MIS18A: variants seen among roughly 807,000 people sequenced by gnomAD.
The protein encoded by MIS18A is protein Mis18-alpha.
Under a neutral mutation model 25.0 loss-of-function variants are expected in MIS18A, and 14 were observed. That is an observed-to-expected ratio of 0.56 (90% CI 0.37 to 0.88). MIS18A has a LOEUF of 0.88. MIS18A is among the 40% of genes least tolerant of loss of function. The pLI is 0.00. For synonymous variants in MIS18A, 134 were observed against 118.6 expected (o/e 1.13, Z -0.84); for missense variants, 292 against 290.8 (o/e 1.00, Z -0.03).
At chr21:32,240,295 C>T in the MIS18A span, among the ~76,000 whole-genome samples, 89 of 152,344 alleles carry the variant, frequency 5.8e-4, no homozygotes, top group South Asian at 0.018. Flanking sequence ...AAGGTGAAGC[C>T]CTCACGAATG....
chr21:32,254,083 T>A, the MIS18A span, among the ~76,000 whole-genome samples: 1 of 151,596 alleles, frequency 6.6e-6, no homozygotes, highest in Admixed American at 6.6e-5. Context: ...AAAAATACAA[T>A]AGCCGAGTGT....
chr21:32,198,901 C>CT, the MIS18A span, among the ~76,000 whole-genome samples: 1 of 148,010 alleles, frequency 6.8e-6, no homozygotes, highest in Non-Finnish European at 1.5e-5. Context: ...GAGTGAGGCT[C>CT]TGTCTAAAAA....
At chr21:32,176,919 C>T in the MIS18A span, among the ~76,000 whole-genome samples, 1 of 151,842 alleles carries the variant, frequency 6.6e-6, no homozygotes, top group Non-Finnish European at 1.5e-5. Flanking sequence ...ATATGGGTAC[C>T]AAAGCGTGAT....
chr21:32,238,828 G>C, the MIS18A span, among the ~76,000 whole-genome samples: 1 of 152,128 alleles, frequency 6.6e-6, no homozygotes, highest in African/African-American at 2.4e-5. Context: ...GGGTGATTTT[G>C]GGGAACCATG....
the MIS18A span, among the ~76,000 whole-genome samples, chr21:32,181,552 T>C: frequency 4.2e-3 from 639 of 152,208 alleles, 1 homozygote; most frequent in Admixed American, 6.5e-3. Context: ...GCATGGGTCT[T>C]GGAGATAAGG....
the MIS18A span, among the ~76,000 whole-genome samples, chr21:32,201,433 G>C: frequency 6.6e-6 from 1 of 152,160 alleles, no homozygotes; most frequent in Non-Finnish European, 1.5e-5. Context: ...CTTTTCTCTT[G>C]AGATTTTAAA....
At chr21:32,242,482 G>A in the MIS18A span, among the ~76,000 whole-genome samples, 1 of 151,744 alleles carries the variant, frequency 6.6e-6, no homozygotes, top group African/African-American at 2.4e-5. Flanking sequence ...TTCTTCATCT[G>A]AATTAGACTG....
At chr21:32,202,437 G>C in the MIS18A span, among the ~76,000 whole-genome samples, 3 of 152,144 alleles carry the variant, frequency 2.0e-5, no homozygotes, top group Non-Finnish European at 4.4e-5. Context: ...AAAACAATTA[G>C]AAAATAGCAA....
At chr21:32,168,570 A>G in the MIS18A span, among the ~76,000 whole-genome samples, 2 of 152,208 alleles carry the variant, frequency 1.3e-5, no homozygotes, top group African/African-American at 4.8e-5. Flanking sequence ...AGTTTCTTAT[A>G]TTGTAAAATA....
chr21:32,245,142 G>T, the MIS18A span, among the ~76,000 whole-genome samples: 1 of 152,192 alleles, frequency 6.6e-6, no homozygotes, highest in African/African-American at 2.4e-5. Context: ...TCACGCCATT[G>T]ATTTCATGAT....
the MIS18A span, among the ~76,000 whole-genome samples, chr21:32,155,871 T>C: frequency 1.1e-3 from 165 of 152,312 alleles, no homozygotes; most frequent in African/African-American, 3.8e-3. Flanking sequence ...TCTTTTAAAG[T>C]TGATTTTGCT....
At chr21:32,173,245 A>G in the MIS18A span, among the ~76,000 whole-genome samples, 1 of 152,194 alleles carries the variant, frequency 6.6e-6, no homozygotes, top group Non-Finnish European at 1.5e-5. Context: ...AATCAAAACC[A>G]CAATAAGATA....
At chr21:32,264,948 A>G (rs2031564945), downstream of MIS18A, among the ~76,000 whole-genome samples, 1 of 152,246 alleles carries the variant, frequency 6.6e-6, no homozygotes, top group African/African-American at 2.4e-5. Context: ...GATGAAAAAC[A>G]GGCACAATGT....
chr21:32,255,217 A>C, the MIS18A span, among the ~76,000 whole-genome samples: 1 of 151,982 alleles, frequency 6.6e-6, no homozygotes. Flanking sequence ...CTACGGTAAA[A>C]ATACATTTCT....
At chr21:32,169,589 C>T in the MIS18A span, among the ~76,000 whole-genome samples, 1 of 152,040 alleles carries the variant, frequency 6.6e-6, no homozygotes, top group Non-Finnish European at 1.5e-5. Context: ...AATCTCTTAC[C>T]GGTGTCTAAC....
At chr21:32,206,168 A>G in the MIS18A span, among the ~76,000 whole-genome samples, 2 of 152,114 alleles carry the variant, frequency 1.3e-5, no homozygotes, top group Non-Finnish European at 2.9e-5. Context: ...TGATTCAGGC[A>G]CCACCTAATA....
At chr21:32,156,309 A>G in the MIS18A span, 1 of 152,158 alleles carries the variant, frequency 6.6e-6, no homozygotes, top group African/African-American at 2.4e-5. Flanking sequence ...GGGAAACATT[A>G]TTTCCATTAA....
At chr21:32,210,150 C>G in the MIS18A span, among the ~76,000 whole-genome samples, 4,684 of 152,232 alleles carry the variant, frequency 0.031, 251 homozygotes, top group African/African-American at 0.11. Context: ...TGCTGGCACT[C>G]ACTTCTTAGC....
chr21:32,278,145 T>C (rs1191979976), intron 1 of MIS18A: 1 of 153,034 alleles, frequency 6.5e-6, no homozygotes, highest in Admixed American at 6.5e-5. Context: ...CTGAACTCTT[T>C]TGCTACATCC....
Sources: gnomAD v4.1 joint callset for allele counts (sites outside exome capture counted in the v4.1 genomes callset) on GRCh38, gnomAD v4.1.1 for gene constraint, MANE v1.5 for transcripts, NCBI Gene and HGNC (gene_info 2026-07-23, HGNC 2026-07-21) for gene names.